Variants in P2RX3 observed in about 807,000 individuals in gnomAD.
P2RX3 encodes the protein P2X purinoceptor 3.
In P2RX3, 41 loss-of-function variants were observed where a neutral mutation model predicts 51.5. The observed-to-expected ratio is 0.80, with a 90% CI of 0.62 to 1.03. P2RX3 has a LOEUF of 1.03. Among genes scored for constraint, P2RX3 ranks in the 50% least tolerant of loss-of-function variants. The probability of loss-of-function intolerance (pLI) is 0.00; values close to 1 mark genes in which losing one functional copy is unlikely to be tolerated. For synonymous variants in P2RX3, 185 were observed against 191.6 expected (o/e 0.97, Z 0.29); for missense variants, 459 against 522.1 (o/e 0.88, Z 1.18).
intron 9 of P2RX3, 53 bp from the exon 10 acceptor site, chr11:57,368,319 C>A: frequency 6.3e-7 from 1 of 1,594,568 alleles, no homozygotes; most frequent in Non-Finnish European, 8.6e-7. Context: ...CCTCGGGCCT[C>A]ACCCCCATCC....
chr11:57,362,258 G>A (rs933984802), intron 8 of P2RX3, among the ~76,000 whole-genome samples: 9 of 152,220 alleles, frequency 5.9e-5, no homozygotes, highest in Non-Finnish European at 2.9e-5. Flanking sequence ...GAACTTGAGC[G>A]TGTGGCAGGG....
At chr11:57,348,337 T>C (rs974527257) in intron 5 of P2RX3, 74 bp downstream of exon 5, 4 of 1,348,032 alleles carry the variant, frequency 3.0e-6, no homozygotes, top group East Asian at 2.5e-5. Context: ...GAGCCGTGCG[T>C]CTCTGAGCTT....
intron 11 of P2RX3, 44 bp downstream of exon 11, chr11:57,369,482 C>G: frequency 6.4e-7 from 1 of 1,558,432 alleles, no homozygotes; most frequent in Admixed American, 1.9e-5. Context: ...GGAGAGGGGG[C>G]AGGGCAGGCA....
intron 7 of P2RX3, 77 bp downstream of exon 7, chr11:57,349,975 C>T (rs1030415954): frequency 7.6e-6 from 12 of 1,577,246 alleles, no homozygotes; most frequent in South Asian, 4.6e-5. Flanking sequence ...GCCCTTTGGC[C>T]GGCACTGGCC....
intron 5 of P2RX3, 121 bp from the exon 6 acceptor site, chr11:57,348,506 C>A: frequency 1.2e-6 from 1 of 818,502 alleles, no homozygotes; most frequent in African/African-American, 1.7e-5. Flanking sequence ...TCTCAAAGTG[C>A]CCTTTATCTA....
intron 8 of P2RX3, among the ~76,000 whole-genome samples, chr11:57,359,070 G>A (rs1856675429): frequency 6.6e-6 from 1 of 152,174 alleles, no homozygotes; most frequent in Non-Finnish European, 1.5e-5. Flanking sequence ...GAACCAGCAT[G>A]GGAGTCGAGG....
At chr11:57,350,472 C>A in intron 7 of P2RX3, 1 of 325,632 alleles carries the variant, frequency 3.1e-6, no homozygotes, top group Non-Finnish European at 5.8e-6. Context: ...TTAGTAGAGT[C>A]AGGGGTTCGC....
intron 8 of P2RX3, among the ~76,000 whole-genome samples, chr11:57,364,077 T>C (rs895838722): frequency 6.6e-6 from 1 of 152,194 alleles, no homozygotes. Flanking sequence ...GATGTCACTG[T>C]CAGAGCCGTT....
At chr11:57,368,174 GCTCCT>G in intron 9 of P2RX3, 72 bp downstream of exon 9, 1 of 1,500,132 alleles carries the variant, frequency 6.7e-7, no homozygotes. Flanking sequence ...TTCTGAAAAA[GCTCCT>G]CTGGGGGGCA....
intron 8 of P2RX3, among the ~76,000 whole-genome samples, chr11:57,353,531 T>C (rs761895056): frequency 3.9e-5 from 6 of 152,182 alleles, no homozygotes; most frequent in Non-Finnish European, 7.4e-5. Context: ...AGCATGCCTA[T>C]GTGGTTGACA....
chr11:57,337,303 A>AG (rs1478597779), upstream of P2RX3, among the ~76,000 whole-genome samples: 3 of 128,428 alleles, frequency 2.3e-5, no homozygotes, highest in African/African-American at 9.0e-5. Flanking sequence ...AAAAAAAAAA[A>AG]AAAGAAAGAA....
At chr11:57,348,323 G>A (rs978152270) in intron 5 of P2RX3, 60 bp downstream of exon 5, 1 of 1,423,002 alleles carries the variant, frequency 7.0e-7, no homozygotes, top group African/African-American at 1.4e-5. Context: ...CTTTGCCCAT[G>A]TGGGAGCCGT....
At chr11:57,349,695 A>G in intron 6 of P2RX3, 62 bp from the exon 7 acceptor site, 1 of 1,605,164 alleles carries the variant, frequency 6.2e-7, no homozygotes, top group Non-Finnish European at 8.5e-7. Flanking sequence ...AGGCGGGGAG[A>G]GATTGCACAA....
chr11:57,369,330 C>T (rs1856845248), intron 10 of P2RX3, 31 bp from the exon 11 acceptor site: 1 of 1,602,884 alleles, frequency 6.2e-7, no homozygotes, highest in East Asian at 2.2e-5. Flanking sequence ...CAGGGCACCC[C>T]TCGGAGCCCG....
chr11:57,346,425 C>G (rs1856432188), intron 1 of P2RX3, 119 bp from the exon 2 acceptor site: 3 of 1,257,836 alleles, frequency 2.4e-6, no homozygotes, highest in South Asian at 2.8e-5. Context: ...CTGGAAGGAA[C>G]CATCCGCACA....
At chr11:57,343,449 G>C (rs1040975520) in intron 1 of P2RX3, among the ~76,000 whole-genome samples, 3 of 152,208 alleles carry the variant, frequency 2.0e-5, no homozygotes, top group Non-Finnish European at 4.4e-5. Flanking sequence ...TTCGAGTGAA[G>C]AGGCTGTGAG....
In P2RX3 at chr11:57,341,590, G is replaced by A. The variant is rs1298706187; in HGVS notation, c.119+2921G>A. Among the ~76,000 whole-genome samples the A allele has an allele frequency of 3.3e-5, 5 of 152,140 alleles. No individual in the cohort carries two copies. The East Asian group carries it at 9.6e-4, about 29-fold the overall frequency. ...CGTGGTAATCCCCACTCACCTCTGT[G>A]GAGTGGGACTTCCCGAGAGCCCATC... On this transcript the variant is annotated intron_variant, in intron 1 of 11. Transcript: ENST00000263314.
At chr11:57,342,859 T>A (rs1037314176) in intron 1 of P2RX3, among the ~76,000 whole-genome samples, 2 of 147,936 alleles carry the variant, frequency 1.4e-5, no homozygotes, top group Middle Eastern at 3.6e-3. Flanking sequence ...TCACACCCAC[T>A]CCCCAGCCTC....
At chr11:57,338,029 C>T (rs969630479), upstream of P2RX3, among the ~76,000 whole-genome samples, 3 of 152,178 alleles carry the variant, frequency 2.0e-5, no homozygotes, top group Non-Finnish European at 4.4e-5. Flanking sequence ...GAGGGGACGG[C>T]GCAGAACTGG....
Sources: allele counts gnomAD v4.1 joint callset (sites outside exome capture counted in the v4.1 genomes callset), GRCh38; gene constraint gnomAD v4.1.1; transcripts MANE v1.5; gene names NCBI Gene and HGNC (gene_info 2026-07-23, HGNC 2026-07-21).